MFSD11: variants seen among roughly 807,000 people sequenced by gnomAD.
MFSD11 encodes UNC93-like protein MFSD11.
Under a neutral mutation model 53.5 loss-of-function variants are expected in MFSD11, and 36 were observed. The ratio of observed to expected loss-of-function variants is 0.67; its 90% CI spans 0.52 to 0.89. The LOEUF (loss-of-function observed/expected upper bound fraction) is 0.89, where lower values mean the gene tolerates loss of function less well. Ranked by LOEUF, MFSD11 falls within the 40% of genes least tolerant of loss-of-function variation. The pLI, the probability that MFSD11 is intolerant of heterozygous loss-of-function variation, is 0.00. For synonymous variants in MFSD11, 186 were observed against 184.9 expected, an observed-to-expected ratio of 1.01 and a Z score of -0.05; for missense variants, 530 against 543.9, an observed-to-expected ratio of 0.97 and a Z score of 0.25.
chr17:76,764,512 T>A (rs1360923251), intron 8 of MFSD11, among the ~76,000 whole-genome samples: 2 of 152,264 alleles, frequency 1.3e-5, no homozygotes, highest in Non-Finnish European at 2.9e-5. Flanking sequence ...TATTTGTCTT[T>A]CTGTGTCTGG....
Position 76,743,476 on chromosome 17 carries a change from CT to C in MFSD11, c.496+23del. The C allele has an allele frequency of 1.3e-6, 2 of 1,512,250 alleles. No individual in the cohort carries two copies. Among genetic ancestry groups the C allele is most frequent in the Non-Finnish European group, 1.8e-6 (2 of 1,113,072 alleles). 93.7% of individuals were successfully genotyped at this position (1,512,250 alleles called of 1,614,324 possible). A position where few individuals can be genotyped will look rare whatever the true frequency, so the allele number is the denominator to read the frequency against. Reference sequence around the variant, plus strand: ...TATCAGGTTTGTTTTATTCGCGTTGCTTTATTCAGATATGTTCAAAGCATAA... The same window carrying C: ...TATCAGGTTTGTTTTATTCGCGTTGCTTATTCAGATATGTTCAAAGCATAA... On this transcript the variant is annotated intron_variant, in intron 6 of 12. Transcript: ENST00000685175.
At chr17:76,738,657 G>A (rs1457658308) in intron 1 of MFSD11, 1 of 606,602 alleles carries the variant, frequency 1.6e-6, no homozygotes, top group Admixed American at 3.1e-5. Context: ...AATCTGATTT[G>A]ATTAGGGGTT....
the MFSD11 span, among the ~76,000 whole-genome samples, chr17:76,803,285 T>C: frequency 1.3e-5 from 2 of 152,208 alleles, no homozygotes; most frequent in African/African-American, 2.4e-5. Flanking sequence ...GCTTTGCATC[T>C]CCAAGCTGTT....
chr17:76,778,357 G>A lies in MFSD11; in HGVS notation c.*5G>A. ...TCTGACTACCGAAGTATCTGATCTG[G>A]TGTCCGTGAGGGGACACGTATGACC... On this transcript the variant is annotated 3_prime_UTR_variant, in exon 13 of 13. Transcript: ENST00000685175. 1 of 1,614,070 alleles carries A rather than the reference G, an allele frequency of 6.2e-7. No homozygotes were observed. Among genetic ancestry groups the A allele is most frequent in the East Asian group, 2.2e-5 (1 of 44,874 alleles).
chr17:76,759,565 C>T (rs1054123554), intron 8 of MFSD11, among the ~76,000 whole-genome samples: 1 of 152,102 alleles, frequency 6.6e-6, no homozygotes, highest in African/African-American at 2.4e-5. Context: ...AGCGATTCTC[C>T]TGCCTCAGCC....
chr17:76,767,656 C>T (rs1372961660), intron 9 of MFSD11, among the ~76,000 whole-genome samples: 3 of 152,192 alleles, frequency 2.0e-5, no homozygotes, highest in African/African-American at 7.2e-5. Context: ...GAATATCTCT[C>T]TTTTTGTGTA....
the MFSD11 span, among the ~76,000 whole-genome samples, chr17:76,794,632 ACT>A: frequency 2.1e-5 from 2 of 96,418 alleles, no homozygotes; most frequent in African/African-American, 4.1e-5. Flanking sequence ...ACAGAGCAAA[ACT>A]CTGTCTCAAA....
Position 76,776,478 on chromosome 17 carries a change from T to C in MFSD11, c.1122T>C (p.Ser374=), listed in dbSNP as rs1568118678. The C allele has an allele frequency of 6.2e-7, 1 of 1,614,172 alleles. No homozygotes were observed. Among genetic ancestry groups the C allele is most frequent in the Non-Finnish European group, 8.5e-7 (1 of 1,180,020 alleles). Residue 374 remains serine, a synonymous_variant, in exon 12 of 13, where the codon AGT becomes AGC. Transcript: ENST00000685175. The surrounding 1 kb of genome is among the most constrained non-coding windows in gnomAD (Gnocchi z 4.2). ...GCTGCTTTAATACCCAGCTGCTTAGTATCTTGGGCTTTCTGTATTCTGAAG... is the reference window on the plus strand; with the variant it reads ...GCTGCTTTAATACCCAGCTGCTTAGCATCTTGGGCTTTCTGTATTCTGAAG... ...GDSCFNTQLL[S]ILGFLYSEDS...
At chr17:76,762,807 G>GAAATCA (rs1230282381) in intron 8 of MFSD11, among the ~76,000 whole-genome samples, 2 of 151,932 alleles carry the variant, frequency 1.3e-5, no homozygotes, top group African/African-American at 2.4e-5. Flanking sequence ...GCACCGGCGG[G>GAAATCA]AAATCAAAGG....
At chr17:76,757,792 C>T (rs762798250) in intron 8 of MFSD11, among the ~76,000 whole-genome samples, 94 of 152,084 alleles carry the variant, frequency 6.2e-4, no homozygotes, top group African/African-American at 1.3e-3. Context: ...AGGTGGATCA[C>T]GAGGTCAGGA....
In MFSD11 at chr17:76,763,456, A is replaced by G. The variant is rs540460336; in HGVS notation, c.683-3930A>G. 7.9e-5 allele frequency among the ~76,000 whole-genome samples: 12 copies of G among 151,818 alleles called. No homozygotes were observed. In the East Asian group the frequency reaches 2.3e-3, roughly 29 times the overall value. On this transcript the variant is annotated intron_variant, in intron 8 of 12. Coordinates refer to ENST00000685175, the MANE Select transcript of MFSD11 (RefSeq NM_001242532.5). ...CTGTTATATTTTTTGTAGAGATGGG[A>G]TTTCACCATGTTGGCCTGGCTGATC...
At chr17:76,798,150 A>G in the MFSD11 span, among the ~76,000 whole-genome samples, 1 of 152,074 alleles carries the variant, frequency 6.6e-6, no homozygotes, top group Non-Finnish European at 1.5e-5. Flanking sequence ...AGCCTCCCAA[A>G]GTGCTGGGAT....
intron 8 of MFSD11, among the ~76,000 whole-genome samples, chr17:76,763,628 T>C (rs1005194750): frequency 7.9e-5 from 12 of 152,144 alleles, no homozygotes; most frequent in African/African-American, 2.7e-4. Context: ...GTAAGAGTTC[T>C]TTATATATTC....
chr17:76,777,016 C>G (rs2081899104), intron 12 of MFSD11, among the ~76,000 whole-genome samples: 1 of 151,792 alleles, frequency 6.6e-6, no homozygotes, highest in South Asian at 2.1e-4. Flanking sequence ...ACTTGTAATC[C>G]CAGCACTTTG....
At chr17:76,758,667 A>G (rs961039630) in intron 8 of MFSD11, among the ~76,000 whole-genome samples, 3 of 152,080 alleles carry the variant, frequency 2.0e-5, no homozygotes, top group Non-Finnish European at 4.4e-5. Flanking sequence ...AACGGCAAGG[A>G]AAATCTGGGG....
the MFSD11 span, among the ~76,000 whole-genome samples, chr17:76,803,103 G>C: frequency 6.6e-6 from 1 of 151,998 alleles, no homozygotes; most frequent in South Asian, 2.1e-4. Context: ...TTGCAAGGAG[G>C]TGAGATCGTG....
intron 2 of MFSD11, among the ~76,000 whole-genome samples, chr17:76,739,721 C>A (rs1033016392): frequency 6.6e-6 from 1 of 152,158 alleles, no homozygotes; most frequent in South Asian, 2.1e-4. Context: ...GGCACTCCCC[C>A]GCCCCCCACA....
Position 76,778,457 on chromosome 17 carries a change from A to G in MFSD11, c.*105A>G, listed in dbSNP as rs2082037632. 2 of 1,145,620 alleles carry G rather than the reference A, an allele frequency of 1.7e-6. No homozygotes were observed. The highest frequency in any genetic ancestry group is 2.2e-5 in the Admixed American group (1 of 45,854). 71.0% of individuals were successfully genotyped at this position (1,145,620 alleles called of 1,614,324 possible). ...CTTCACTATATATTGGGTGATGTTC[A>G]GTATGGAAAATCAAGGGATTAAGAC... On this transcript the variant is annotated 3_prime_UTR_variant, in exon 13 of 13. Transcript: ENST00000685175.
chr17:76,745,165 G>C (rs1415087333), intron 7 of MFSD11, among the ~76,000 whole-genome samples: 1 of 152,206 alleles, frequency 6.6e-6, no homozygotes, highest in Non-Finnish European at 1.5e-5. Context: ...TGCTTTGTTT[G>C]TGATACATTG....
Sources: allele counts gnomAD v4.1 joint callset (sites outside exome capture counted in the v4.1 genomes callset), GRCh38; gene constraint gnomAD v4.1.1; non-coding constraint Gnocchi (gnomAD v3.1); transcripts MANE v1.5; gene names NCBI Gene and HGNC (gene_info 2026-07-23, HGNC 2026-07-21).